TTC28: variants seen among roughly 807,000 people sequenced by gnomAD.
The protein encoded by TTC28 is tetratricopeptide repeat protein 28.
TTC28 carries 61 observed loss-of-function variants against 198.0 expected under a neutral mutation model. The observed-to-expected ratio is 0.31, with a 90% CI of 0.25 to 0.38. The LOEUF (loss-of-function observed/expected upper bound fraction) is 0.38. Among genes scored for constraint, TTC28 ranks in the 10% least tolerant of loss-of-function variants. The pLI, the probability that TTC28 is intolerant of heterozygous loss-of-function variation, is 1.00. For missense variants in TTC28, 2,678 were observed against 3,164.0 expected, an observed-to-expected ratio of 0.85 and a Z score of 3.69; for synonymous variants, 1,171 against 1,297.8, an observed-to-expected ratio of 0.90 and a Z score of 2.10.
intron 12 of TTC28, among the ~76,000 whole-genome samples, chr22:28,078,259 G>A (rs1004934688): frequency 1.3e-5 from 2 of 152,120 alleles, no homozygotes; most frequent in Non-Finnish European, 2.9e-5. Context: ...GCTAGGCTGC[G>A]GGTAATTGAA....
intron 2 of TTC28, among the ~76,000 whole-genome samples, chr22:28,561,715 C>T (rs2049884545): frequency 6.6e-6 from 1 of 152,176 alleles, no homozygotes; most frequent in Admixed American, 6.5e-5. Flanking sequence ...ACTCTCAATG[C>T]TAAGCCTGGA....
intron 2 of TTC28, among the ~76,000 whole-genome samples, chr22:28,311,709 T>C (rs1045352438): frequency 2.0e-5 from 3 of 152,182 alleles, no homozygotes; most frequent in Admixed American, 6.5e-5. Context: ...CAATAAATTA[T>C]TGTAGGCTAT....
intron 1 of TTC28, among the ~76,000 whole-genome samples, chr22:28,631,253 A>G (rs2051169205): frequency 1.3e-5 from 2 of 152,218 alleles, no homozygotes; most frequent in South Asian, 4.1e-4. Flanking sequence ...AATAAAAAAT[A>G]AGGTTTAAAA....
intron 5 of TTC28, among the ~76,000 whole-genome samples, chr22:28,273,067 C>G (rs1932192742): frequency 6.6e-6 from 1 of 152,132 alleles, no homozygotes; most frequent in Admixed American, 6.5e-5. Flanking sequence ...AGGACTAAAG[C>G]CTAAGAATAA....
chr22:28,478,673 T>C (rs2048200383), intron 2 of TTC28, among the ~76,000 whole-genome samples: 2 of 152,142 alleles, frequency 1.3e-5, no homozygotes, highest in Admixed American at 1.3e-4. Flanking sequence ...AGTTGCTAAT[T>C]GTTAAAACTG....
intron 2 of TTC28, among the ~76,000 whole-genome samples, chr22:28,553,831 TGAG>T (rs1601558734): frequency 6.6e-6 from 1 of 152,022 alleles, no homozygotes; most frequent in Non-Finnish European, 1.5e-5. Context: ...TGCTGGGAAG[TGAG>T]GAGCCCCTCT....
chr22:28,545,813 C>A (rs1220127285), intron 2 of TTC28, among the ~76,000 whole-genome samples: 1 of 151,108 alleles, frequency 6.6e-6, no homozygotes, highest in Non-Finnish European at 1.5e-5. Context: ...CAGAATATTG[C>A]TGAAAGAAAC....
chr22:27,992,856 T>C (rs1041796075), intron 18 of TTC28, 193 bp from the exon 19 acceptor site: 1 of 629,586 alleles, frequency 1.6e-6, no homozygotes, highest in South Asian at 2.0e-5. Flanking sequence ...TGGGTGGAAG[T>C]GGGTTGAGTC....
chr22:28,147,756 T>C lies in TTC28; in HGVS notation c.1441+15336A>G, dbSNP rs1387304567. On this transcript the variant is annotated intron_variant, in intron 6 of 22. Coordinates refer to ENST00000397906, the MANE Select transcript of TTC28 (RefSeq NM_001145418.2). ...GCTGCATAAGAAGCTACACCAAGTA[T>C]AGTGTTCACATACTGGAGGCATTCA... is the stretch of plus-strand genomic sequence containing the variant. Among the ~76,000 whole-genome samples, 7 of 152,242 alleles carry C rather than the reference T, an allele frequency of 4.6e-5. No individual in the cohort carries two copies. The South Asian group carries it at 6.2e-4, about 14-fold the overall frequency.
intron 5 of TTC28, among the ~76,000 whole-genome samples, chr22:28,294,846 C>T (rs192789068): frequency 1.3e-5 from 2 of 152,266 alleles, no homozygotes; most frequent in East Asian, 1.9e-4. Context: ...GGATTACAGG[C>T]GTGAGCCACC....
At position 28,512,979 on chromosome 22, in the gene TTC28, A is replaced by ATTTTTTT. The variant is rs695729; in HGVS notation, c.381+116566_381+116572dup. Among the ~76,000 whole-genome samples the ATTTTTTT allele has an allele frequency of 2.3e-3, 285 of 125,874 alleles. 5 individuals are homozygous for ATTTTTTT. The highest frequency in any genetic ancestry group is 3.7e-3 in the Non-Finnish European group (229 of 61,806). The allele number at this position is 125,874 out of a possible 152,430, so 82.6% of individuals were successfully genotyped here. A position where few individuals can be genotyped will look rare whatever the true frequency, so the allele number is the denominator to read the frequency against. Reference sequence around the variant, plus strand: ...TTATCTTTTGAATATTTTAACCTGGATTTTTTTTTTTTTTTTTTTTGAGAC... The same window carrying ATTTTTTT: ...TTATCTTTTGAATATTTTAACCTGGATTTTTTTTTTTTTTTTTTTTTTTTTTTGAGAC... On this transcript the variant is annotated intron_variant, in intron 2 of 22. Coordinates refer to ENST00000397906, the MANE Select transcript of TTC28 (RefSeq NM_001145418.2).
intron 2 of TTC28, among the ~76,000 whole-genome samples, chr22:28,491,908 C>T (rs1307151185): frequency 6.6e-6 from 1 of 152,150 alleles, no homozygotes; most frequent in African/African-American, 2.4e-5. Flanking sequence ...GGCACATATA[C>T]ACCACGGAAT....
intron 2 of TTC28, among the ~76,000 whole-genome samples, chr22:28,537,232 G>A (rs1307396928): frequency 6.7e-6 from 1 of 149,974 alleles, no homozygotes; most frequent in Non-Finnish European, 1.5e-5. Flanking sequence ...GGCAGAGCTT[G>A]CAGTGAGTCG....
At chr22:28,565,079 A>G (rs1322446902) in intron 2 of TTC28, among the ~76,000 whole-genome samples, 1 of 151,904 alleles carries the variant, frequency 6.6e-6, no homozygotes, top group African/African-American at 2.4e-5. Flanking sequence ...GATCCCTACT[A>G]TATTCGATGA....
intron 2 of TTC28, among the ~76,000 whole-genome samples, chr22:28,502,998 T>C (rs2146371593): frequency 6.6e-6 from 1 of 152,292 alleles, no homozygotes; most frequent in African/African-American, 2.4e-5. Context: ...ACATAATGCC[T>C]CATGGAAGGC....
intron 2 of TTC28, among the ~76,000 whole-genome samples, chr22:28,433,254 T>C (rs1004934786): frequency 6.6e-6 from 1 of 152,226 alleles, no homozygotes; most frequent in African/African-American, 2.4e-5. Flanking sequence ...AAAACTGTCT[T>C]GTCTTTTATT....
chr22:28,400,784 A>G (rs1357825788), intron 2 of TTC28, among the ~76,000 whole-genome samples: 1 of 152,234 alleles, frequency 6.6e-6, no homozygotes, highest in Admixed American at 6.5e-5. Flanking sequence ...CCAGATGGTA[A>G]CAGCAATAGT....
At chr22:28,094,016 G>T in intron 12 of TTC28, 64 bp downstream of exon 12, 1 of 1,445,284 alleles carries the variant, frequency 6.9e-7, no homozygotes. Context: ...CAAATAGGAT[G>T]TTTACAAAAA....
intron 2 of TTC28, among the ~76,000 whole-genome samples, chr22:28,544,030 G>A (rs1362242247): frequency 6.6e-6 from 1 of 152,152 alleles, no homozygotes; most frequent in Non-Finnish European, 1.5e-5. Flanking sequence ...AGACCAGCCT[G>A]GCCAACCTGG....
Sources: gnomAD v4.1 joint callset for allele counts (sites outside exome capture counted in the v4.1 genomes callset) on GRCh38, gnomAD v4.1.1 for gene constraint, MANE v1.5 for transcripts, NCBI Gene and HGNC (gene_info 2026-07-23, HGNC 2026-07-21) for gene names.